The following FSAF1 variants were observed in gnomAD, a reference collection of about 807,000 sequenced individuals.
FSAF1 encodes the protein 40S small subunit processome assembly factor 1.
the FSAF1 span, among the ~76,000 whole-genome samples, chr1:231,231,889 C>T: frequency 6.6e-6 from 1 of 152,092 alleles, no homozygotes; most frequent in African/African-American, 2.4e-5. Context: ...GGAGAGAGTC[C>T]CTTGGTGGTA....
At chr1:231,226,499 A>T in the FSAF1 span, 1 of 573,614 alleles carries the variant, frequency 1.7e-6, no homozygotes, top group South Asian at 2.2e-5. Context: ...ATTCCTTTAC[A>T]GCAACAAAAA....
At chr1:231,225,383 C>A in the FSAF1 span, 5 of 1,281,592 alleles carry the variant, frequency 3.9e-6, no homozygotes, top group Admixed American at 3.4e-5. Flanking sequence ...GGGCTAGCAA[C>A]ACCACATACA....
At chr1:231,234,613 C>T in the FSAF1 span, among the ~76,000 whole-genome samples, 7 of 152,152 alleles carry the variant, frequency 4.6e-5, no homozygotes, top group Non-Finnish European at 7.3e-5. The surrounding 1 kb of genome is among the most constrained non-coding windows in gnomAD (Gnocchi z 4.0). Context: ...CTACAGTGAT[C>T]GTTTTAAAAT....
At chr1:231,231,921 C>T in the FSAF1 span, among the ~76,000 whole-genome samples, 1 of 152,100 alleles carries the variant, frequency 6.6e-6, no homozygotes. Flanking sequence ...GACACAGATA[C>T]CTCGGTGTCC....
chr1:231,227,878 C>T, the FSAF1 span, among the ~76,000 whole-genome samples: 3 of 152,228 alleles, frequency 2.0e-5, no homozygotes, highest in Non-Finnish European at 4.4e-5. Context: ...CATGAGCCAC[C>T]GCGCCCCGCC....
At chr1:231,226,146 AGTGGGAG>A in the FSAF1 span, among the ~76,000 whole-genome samples, 1 of 151,998 alleles carries the variant, frequency 6.6e-6, no homozygotes, top group African/African-American at 2.4e-5. Context: ...GACGGGACCT[AGTGGGAG>A]GTGTTTGGGT....
At chr1:231,227,002 G>A in the FSAF1 span, 2 of 1,614,138 alleles carry the variant, frequency 1.2e-6, no homozygotes, top group Admixed American at 1.7e-5. Context: ...GCACGTTCCT[G>A]TTCCAGGATT....
chr1:231,239,118 C>CA, the FSAF1 span: 11 of 1,611,824 alleles, frequency 6.8e-6, no homozygotes, highest in Non-Finnish European at 9.3e-6. Context: ...CCGCTGAAGC[C>CA]ATCACATCTC....
chr1:231,227,926 T>C, the FSAF1 span, among the ~76,000 whole-genome samples: 5 of 152,182 alleles, frequency 3.3e-5, no homozygotes, highest in Non-Finnish European at 7.3e-5. Context: ...ATACAAAGAA[T>C]TATCTCTGCA....
At chr1:231,241,107 G>A in the FSAF1 span, 18 of 1,613,756 alleles carry the variant, frequency 1.1e-5, no homozygotes, top group Middle Eastern at 1.7e-4. Flanking sequence ...TTGCTCCTGC[G>A]ACATTGTGGG....
chr1:231,224,546 T>G, the FSAF1 span: 1 of 827,318 alleles, frequency 1.2e-6, no homozygotes, highest in Non-Finnish European at 1.8e-6. Flanking sequence ...CCCCACCCCA[T>G]ACGCCTTCCT....
At chr1:231,239,135 T>C in the FSAF1 span, 4 of 1,603,276 alleles carry the variant, frequency 2.5e-6, no homozygotes, top group Non-Finnish European at 3.4e-6. Flanking sequence ...TCTCTCTTCT[T>C]GTTTTCCCTT....
chr1:231,239,411 T>C, the FSAF1 span, among the ~76,000 whole-genome samples: 7 of 152,372 alleles, frequency 4.6e-5, no homozygotes, highest in East Asian at 7.7e-4. Flanking sequence ...TTGACCCTTA[T>C]TAGCACAATC....
At chr1:231,226,843 A>G in the FSAF1 span, 3 of 1,595,606 alleles carry the variant, frequency 1.9e-6, no homozygotes, top group African/African-American at 4.0e-5. Flanking sequence ...GAAAGAACAA[A>G]GAAACAAACC....
chr1:231,227,444 A>T, the FSAF1 span, among the ~76,000 whole-genome samples: 2 of 149,894 alleles, frequency 1.3e-5, no homozygotes, highest in African/African-American at 4.9e-5. Flanking sequence ...GCTAATTCTT[A>T]AAAAATGTTT....
the FSAF1 span, chr1:231,224,335 G>A: frequency 6.2e-7 from 1 of 1,613,918 alleles, no homozygotes; most frequent in Non-Finnish European, 8.5e-7. Context: ...CTCAGAATCA[G>A]TGTTCCATTT....
the FSAF1 span, chr1:231,227,137 GA>G: frequency 6.8e-7 from 1 of 1,475,486 alleles, no homozygotes; most frequent in Non-Finnish European, 9.5e-7. Flanking sequence ...CATACTGCCA[GA>G]AGTAATGCAT....
the FSAF1 span, chr1:231,224,064 C>T: frequency 2.2e-6 from 1 of 449,460 alleles, no homozygotes; most frequent in Non-Finnish European, 3.8e-6. Context: ...AGTGGGTTCA[C>T]TTCACATTCA....
the FSAF1 span, chr1:231,229,319 A>G: frequency 1.6e-6 from 1 of 636,638 alleles, no homozygotes; most frequent in Non-Finnish European, 2.6e-6. Flanking sequence ...TTTCACACCC[A>G]CTAGACTGGC....
Sources: allele counts gnomAD v4.1 joint callset (sites outside exome capture counted in the v4.1 genomes callset), GRCh38; gene constraint gnomAD v4.1.1; non-coding constraint Gnocchi (gnomAD v3.1); transcripts MANE v1.5; gene names NCBI Gene and HGNC (gene_info 2026-07-23, HGNC 2026-07-21).